UNC5D: variants seen among roughly 807,000 people sequenced by gnomAD.
The protein encoded by UNC5D is netrin receptor UNC5D.
In UNC5D, 39 loss-of-function variants were observed where a neutral mutation model predicts 105.4. That is an observed-to-expected ratio of 0.37 (90% CI 0.29 to 0.48). The LOEUF is 0.48. UNC5D is among the 20% of genes least tolerant of loss of function. The probability of loss-of-function intolerance (pLI) is 0.98; values close to 1 mark genes in which losing one functional copy is unlikely to be tolerated. For missense variants in UNC5D, 991 were observed against 1,202.4 expected, an observed-to-expected ratio of 0.82 and a Z score of 2.60; for synonymous variants, 452 against 450.4, an observed-to-expected ratio of 1.00 and a Z score of -0.04.
chr8:35,538,118 T>A (rs1179412207), intron 1 of UNC5D, among the ~76,000 whole-genome samples: 2 of 151,882 alleles, frequency 1.3e-5, no homozygotes, highest in Non-Finnish European at 2.9e-5. Context: ...AACCTAGGAT[T>A]TGGGGGACTC....
rs80208385 is a variant in UNC5D, at chr8:35,480,973, T to C, written c.104-68319T>C. Among the ~76,000 whole-genome samples the C allele has an allele frequency of 4.1e-3, 626 of 152,184 alleles. 8 individuals carry two copies. The highest frequency in any genetic ancestry group is 0.014 in the African/African-American group (590 of 41,536). ...GATCTCCAAGTGGAGAAATGCCAAG[T>C]GGAGGTGCAGAAGAGTGTCTAAACA... On this transcript the variant is annotated intron_variant, in intron 1 of 16. Coordinates refer to ENST00000404895, the MANE Select transcript of UNC5D (RefSeq NM_080872.4).
chr8:35,629,837 C>T (rs958191439), intron 4 of UNC5D, among the ~76,000 whole-genome samples: 4 of 152,128 alleles, frequency 2.6e-5, no homozygotes, highest in African/African-American at 9.6e-5. Flanking sequence ...TAAATTATCC[C>T]CCCACCCCAG....
chr8:35,425,212 T>C (rs1806164319), intron 1 of UNC5D, among the ~76,000 whole-genome samples: 1 of 152,206 alleles, frequency 6.6e-6, no homozygotes, highest in Non-Finnish European at 1.5e-5. Flanking sequence ...AAGAAATTGT[T>C]GCTTCTCTTC....
At chr8:35,693,917 A>C (rs1826581690) in intron 7 of UNC5D, among the ~76,000 whole-genome samples, 1 of 152,096 alleles carries the variant, frequency 6.6e-6, no homozygotes, top group Non-Finnish European at 1.5e-5. Context: ...CTCCACTGTA[A>C]GTAAGGGCCC....
At chr8:35,658,252 T>C (rs1450191201) in intron 4 of UNC5D, among the ~76,000 whole-genome samples, 1 of 152,188 alleles carries the variant, frequency 6.6e-6, no homozygotes, top group African/African-American at 2.4e-5. Flanking sequence ...TTTAAAATCT[T>C]AAGTGGAAGT....
intron 4 of UNC5D, among the ~76,000 whole-genome samples, chr8:35,606,279 C>A (rs1488160759): frequency 2.0e-5 from 3 of 152,116 alleles, no homozygotes; most frequent in Non-Finnish European, 2.9e-5. Context: ...AGCCACCGCA[C>A]CTGACCCAGT....
At chr8:35,755,276 GT>G (rs907753550) in intron 13 of UNC5D, among the ~76,000 whole-genome samples, 3 of 151,638 alleles carry the variant, frequency 2.0e-5, no homozygotes, top group East Asian at 1.9e-4. Flanking sequence ...AACAACTAGG[GT>G]TTTTTTTGCC....
chr8:35,579,670 T>C (rs1012808641), intron 3 of UNC5D, among the ~76,000 whole-genome samples: 2 of 152,192 alleles, frequency 1.3e-5, no homozygotes, highest in Admixed American at 6.5e-5. Flanking sequence ...ACAGTACTTG[T>C]AGTGAATGAA....
intron 1 of UNC5D, among the ~76,000 whole-genome samples, chr8:35,342,820 C>T (rs1390459007): frequency 6.6e-6 from 1 of 152,100 alleles, no homozygotes; most frequent in Non-Finnish European, 1.5e-5. Context: ...ATTCCCATCT[C>T]TACATATATC....
chr8:35,580,002 A>T (rs2130837060), intron 3 of UNC5D, among the ~76,000 whole-genome samples: 1 of 152,262 alleles, frequency 6.6e-6, no homozygotes, highest in South Asian at 2.1e-4. Context: ...AGGAACGTAA[A>T]ATTAGCTAGA....
intron 1 of UNC5D, among the ~76,000 whole-genome samples, chr8:35,309,132 A>G (rs894420698): frequency 2.0e-5 from 3 of 152,126 alleles, no homozygotes; most frequent in Admixed American, 2.0e-4. Context: ...CAATTCTGGG[A>G]CCTTCAAACA....
intron 13 of UNC5D, among the ~76,000 whole-genome samples, chr8:35,751,673 A>G (rs567080355): frequency 1.3e-5 from 2 of 152,274 alleles, no homozygotes; most frequent in South Asian, 2.1e-4. Flanking sequence ...TGGGATACCT[A>G]CCTTGAAGCA....
intron 4 of UNC5D, among the ~76,000 whole-genome samples, chr8:35,677,117 C>T (rs777211388): frequency 8.5e-5 from 13 of 152,082 alleles, no homozygotes; most frequent in Non-Finnish European, 1.2e-4. Context: ...TTGCCACGGT[C>T]ATCACATTCC....
chr8:35,692,545 G>C (rs1826480022), intron 7 of UNC5D, among the ~76,000 whole-genome samples: 1 of 152,148 alleles, frequency 6.6e-6, no homozygotes, highest in South Asian at 2.1e-4. Context: ...TAATGGATGA[G>C]TGTCCCTTTA....
rs574027066 is a variant in UNC5D at position 35,748,638 on chromosome 8, C to T, written c.1878C>T (p.Val626=). 1 of 1,613,992 alleles carries T rather than the reference C, an allele frequency of 6.2e-7. No homozygotes were observed. The highest frequency in any genetic ancestry group is 1.1e-5 in the South Asian group (1 of 91,074). ...TGACCATCCCGCACTGTGCAGATGT[C>T]AGTTCTGAGCATTGGAATATCCATT... ...FALTIPHCAD[V]SSEHWNIHLK... The change falls in exon 12 of 17, where the codon GTC becomes GTT. Residue 626 remains valine, a synonymous_variant. Transcript: ENST00000404895.
intron 16 of UNC5D, among the ~76,000 whole-genome samples, chr8:35,776,255 G>C (rs1228180490): frequency 6.6e-6 from 1 of 152,134 alleles, no homozygotes; most frequent in Non-Finnish European, 1.5e-5. Context: ...ACTATATTAA[G>C]TCTAATTCAT....
chr8:35,707,024 C>T (rs181638722), intron 8 of UNC5D, among the ~76,000 whole-genome samples: 269 of 152,300 alleles, frequency 1.8e-3, no homozygotes, highest in African/African-American at 6.1e-3. Context: ...TTGTGAAAGA[C>T]GTCCCTGCCT....
At chr8:35,548,680 G>A (rs1296392691) in intron 1 of UNC5D, among the ~76,000 whole-genome samples, 3 of 152,186 alleles carry the variant, frequency 2.0e-5, no homozygotes, top group Non-Finnish European at 4.4e-5. Flanking sequence ...AGGTTGCTGG[G>A]GGCAGAGGGT....
In UNC5D at chr8:35,794,608, A is replaced by G. The variant is rs1316533015; in HGVS notation, c.*4045A>G. The G allele has an allele frequency of 4.6e-5, 7 of 152,764 alleles. No individual in the cohort carries two copies. In the South Asian group the frequency reaches 1.4e-3, roughly 32 times the overall value. 9.5% of individuals were successfully genotyped at this position (152,764 alleles called of 1,614,324 possible). On this transcript the variant is annotated 3_prime_UTR_variant, in exon 17 of 17. Transcript: ENST00000404895. The stretch of plus-strand genomic sequence containing the variant: ...TGTCTGCATAGAATTTTCCTGAACT[A>G]CAAGCAAAAATGTATTTTGTCCAAT...
Sources: allele counts gnomAD v4.1 joint callset (sites outside exome capture counted in the v4.1 genomes callset), GRCh38; gene constraint gnomAD v4.1.1; transcripts MANE v1.5; gene names NCBI Gene and HGNC (gene_info 2026-07-23, HGNC 2026-07-21).